Variants in NTS observed in about 807,000 individuals in gnomAD.
NTS encodes the protein neurotensin/neuromedin N.
A neutral mutation model predicts 19.5 loss-of-function variants in NTS; 20 were observed. The ratio of observed to expected loss-of-function variants is 1.02; its 90% CI spans 0.72 to 1.49. NTS has a LOEUF of 1.49. NTS is among the 40% of genes most tolerant of loss of function. The pLI, the probability that NTS is intolerant of heterozygous loss-of-function variation, is 0.00. For synonymous variants in NTS, 71 were observed against 63.3 expected (o/e 1.12, Z -0.58); for missense variants, 215 against 193.1 (o/e 1.11, Z -0.67).
At chr12:85,875,877 TAG>T (rs1303757203) in intron 1 of NTS, among the ~76,000 whole-genome samples, 1 of 151,964 alleles carries the variant, frequency 6.6e-6, no homozygotes, top group African/African-American at 2.4e-5. Flanking sequence ...ACAAGGAAGA[TAG>T]AGTCATTTTT....
rs376727328 is a variant in NTS at position 85,882,312 on chromosome 12, G to A, written c.450G>A (p.Arg150=). ...IKRKIPYILK[R]QLYENKPRRP... ...GAAAAATTCCTTATATTCTGAAACGGCAGCTGTATGAGAATAAACCCAGAA... is the reference window on the plus strand; with the variant it reads ...GAAAAATTCCTTATATTCTGAAACGACAGCTGTATGAGAATAAACCCAGAA... The change falls in exon 4 of 4, where the codon CGG becomes CGA. Residue 150 remains arginine (R), a synonymous_variant. Transcript: ENST00000256010. The A allele has an allele frequency of 5.0e-6, 8 of 1,608,356 alleles. No individual in the cohort carries two copies. The highest frequency in any genetic ancestry group is 1.7e-5 in the Admixed American group (1 of 58,788).
At chr12:85,877,894 CAAT>C (rs1171109606) in intron 2 of NTS, 1 of 152,326 alleles carries the variant, frequency 6.6e-6, no homozygotes, top group Non-Finnish European at 1.5e-5. Flanking sequence ...CTACCCATAA[CAAT>C]TATTAATGTG....
At chr12:85,880,418 T>C (rs1881476339) in intron 3 of NTS, among the ~76,000 whole-genome samples, 1 of 152,134 alleles carries the variant, frequency 6.6e-6, no homozygotes, top group South Asian at 2.1e-4. Context: ...TTGGTCAATA[T>C]TTTATATTCT....
Position 85,882,153 on chromosome 12 carries a change from T to A in NTS, c.361-70T>A, listed in dbSNP as rs1421887137. On this transcript the variant is annotated intron_variant, in intron 3 of 3. Transcript: ENST00000256010. ...TGTCTTAACAGCAAATGAGATAGAA[T>A]GTAGAAAAATGCTCTGAAACAAAAG... 6.7e-6 allele frequency: 8 copies of A among 1,192,164 alleles called. No individual in the cohort carries two copies. The East Asian group carries it at 1.2e-4, about 18-fold the overall frequency. The allele number at this position is 1,192,164 out of a possible 1,614,324, so 73.8% of individuals were successfully genotyped here.
At chr12:85,876,383 T>C (rs190993091) in intron 1 of NTS, among the ~76,000 whole-genome samples, 26 of 152,076 alleles carry the variant, frequency 1.7e-4, no homozygotes, top group Admixed American at 3.3e-4. Context: ...AATTCAAAGA[T>C]TAAACAACTC....
At chr12:85,879,509 AT>A (rs1881443440) in intron 3 of NTS, among the ~76,000 whole-genome samples, 1 of 113,362 alleles carries the variant, frequency 8.8e-6, no homozygotes, top group African/African-American at 3.2e-5. Flanking sequence ...TATAAAATAT[AT>A]TTTTTGTATA....
At chr12:85,878,166 G>A in intron 2 of NTS, 179 bp from the exon 3 acceptor site, 1 of 498,706 alleles carries the variant, frequency 2.0e-6, no homozygotes, top group Non-Finnish European at 3.6e-6. Flanking sequence ...TTAAACAGAA[G>A]TTATGAGATA....
chr12:85,874,924 T>A (rs1238665655), intron 1 of NTS, among the ~76,000 whole-genome samples: 1 of 152,204 alleles, frequency 6.6e-6, no homozygotes, highest in South Asian at 2.1e-4. Flanking sequence ...CCCGTATTAT[T>A]TTCTTGTTTG....
chr12:85,878,261 TGTGATG>T (rs1881390745), intron 2 of NTS, 78 bp from the exon 3 acceptor site: 1 of 939,502 alleles, frequency 1.1e-6, no homozygotes, highest in Non-Finnish European at 1.6e-6. Context: ...AGACCCTAAA[TGTGATG>T]GTTTAGCACA....
chr12:85,875,294 G>A (rs1340373147), intron 1 of NTS, among the ~76,000 whole-genome samples: 2 of 151,978 alleles, frequency 1.3e-5, no homozygotes, highest in Admixed American at 6.6e-5. Flanking sequence ...CATTGCAAAA[G>A]GCTCTACTTA....
chr12:85,879,030 AT>A (rs1881412316), intron 3 of NTS, among the ~76,000 whole-genome samples: 2 of 139,234 alleles, frequency 1.4e-5, no homozygotes. Flanking sequence ...GCAAATAAAA[AT>A]ATATTTTTAT....
chr12:85,880,728 G>A (rs958290566), intron 3 of NTS, among the ~76,000 whole-genome samples: 7 of 152,134 alleles, frequency 4.6e-5, no homozygotes, highest in African/African-American at 1.2e-4. Context: ...CGAGACGGGC[G>A]GATCACGAGG....
chr12:85,875,792 T>A (rs1301542452), intron 1 of NTS, among the ~76,000 whole-genome samples: 1 of 152,028 alleles, frequency 6.6e-6, no homozygotes, highest in African/African-American at 2.4e-5. Flanking sequence ...AGATCTCTTG[T>A]ATAATTTAGG....
At chr12:85,875,746 C>G (rs941782902) in intron 1 of NTS, among the ~76,000 whole-genome samples, 1 of 151,842 alleles carries the variant, frequency 6.6e-6, no homozygotes, top group African/African-American at 2.4e-5. Context: ...TCATAAATTC[C>G]TAAAACAGAT....
chr12:85,880,534 A>G (rs1299913740), intron 3 of NTS, among the ~76,000 whole-genome samples: 1 of 152,216 alleles, frequency 6.6e-6, no homozygotes, highest in African/African-American at 2.4e-5. Flanking sequence ...AAGTGCAGGC[A>G]GAATTTCTAG....
intron 3 of NTS, among the ~76,000 whole-genome samples, chr12:85,881,903 C>T (rs901750493): frequency 2.0e-5 from 3 of 151,970 alleles, no homozygotes; most frequent in African/African-American, 7.2e-5. Flanking sequence ...CTATTTGATG[C>T]TTTTCTTCAA....
intron 3 of NTS, among the ~76,000 whole-genome samples, chr12:85,879,865 TA>T (rs1224608927): frequency 1.4e-5 from 2 of 146,128 alleles, no homozygotes; most frequent in African/African-American, 2.5e-5. Flanking sequence ...TACATATATT[TA>T]AAATATATAT....
Position 85,874,317 on chromosome 12 carries a change from C to A in NTS, c.-87C>A. On this transcript the variant is annotated 5_prime_UTR_variant, in exon 1 of 4. Coordinates refer to ENST00000256010, the MANE Select transcript of NTS (RefSeq NM_006183.5). ...CTCATAGTTCACTCACTTTCAAAGC[C>A]AGCTGAAGGAAAGAGGAAGTGCTAG... 1.1e-6 allele frequency: 1 copy of A among 903,760 alleles called. No individual in the cohort carries two copies. The highest frequency in any genetic ancestry group is 1.9e-6 in the Non-Finnish European group (1 of 540,446). 56.0% of individuals were successfully genotyped at this position (903,760 alleles called of 1,614,324 possible).
chr12:85,881,434 C>G (rs1455653572), intron 3 of NTS, among the ~76,000 whole-genome samples: 3 of 151,958 alleles, frequency 2.0e-5, no homozygotes, highest in Non-Finnish European at 4.4e-5. Flanking sequence ...AAACTCTGGA[C>G]AGATTTCTTA....
Sources: allele counts gnomAD v4.1 joint callset (sites outside exome capture counted in the v4.1 genomes callset), GRCh38; gene constraint gnomAD v4.1.1; transcripts MANE v1.5; gene names NCBI Gene and HGNC (gene_info 2026-07-23, HGNC 2026-07-21).